PTPRR: variants seen among roughly 807,000 people sequenced by gnomAD.
PTPRR encodes protein tyrosine phosphatase receptor type R, also known as receptor-type tyrosine-protein phosphatase R.
Under a neutral mutation model 77.2 loss-of-function variants are expected in PTPRR, and 38 were observed. The ratio of observed to expected loss-of-function variants is 0.49; its 90% confidence interval spans 0.38 to 0.65. The LOEUF (loss-of-function observed/expected upper bound fraction) is 0.65. Among genes scored for constraint, PTPRR ranks in the 30% least tolerant of loss-of-function variants. The pLI is 0.00. For synonymous variants in PTPRR, 299 were observed against 283.1 expected (o/e 1.06, Z -0.57); for missense variants, 744 against 799.2 (o/e 0.93, Z 0.83).
intron 6 of PTPRR, among the ~76,000 whole-genome samples, chr12:70,721,996 A>C (rs2136850296): frequency 6.6e-6 from 1 of 152,328 alleles, no homozygotes; most frequent in Non-Finnish European, 1.5e-5. Context: ...TTAAGAAATA[A>C]GAACAAACTA....
At chr12:70,777,783 C>T (rs953450007) in intron 2 of PTPRR, among the ~76,000 whole-genome samples, 1 of 152,134 alleles carries the variant, frequency 6.6e-6, no homozygotes, top group Non-Finnish European at 1.5e-5. Flanking sequence ...CATCTGAGCC[C>T]CCAGATCACT....
intron 13 of PTPRR, among the ~76,000 whole-genome samples, chr12:70,655,835 C>T (rs555942230): frequency 2.0e-5 from 3 of 152,242 alleles, no homozygotes; most frequent in South Asian, 4.1e-4. Flanking sequence ...GTACTTAACC[C>T]TAATAAATTG....
intron 5 of PTPRR, among the ~76,000 whole-genome samples, chr12:70,749,050 A>G (rs1018102555): frequency 6.6e-6 from 1 of 152,212 alleles, no homozygotes; most frequent in Admixed American, 6.5e-5. Context: ...TACCAGTTCC[A>G]TCTGGGTAGA....
intron 13 of PTPRR, among the ~76,000 whole-genome samples, chr12:70,643,541 T>G (rs1886086724): frequency 6.6e-6 from 1 of 152,138 alleles, no homozygotes; most frequent in Non-Finnish European, 1.5e-5. Context: ...GTACAGTGTC[T>G]GTATACAAAA....
chr12:70,868,943 C>G (rs1892911215), intron 2 of PTPRR, among the ~76,000 whole-genome samples: 1 of 146,956 alleles, frequency 6.8e-6, no homozygotes. Context: ...GACAAAAAAC[C>G]AAACACCGCA....
chr12:70,698,232 A>G, intron 8 of PTPRR, 33 bp downstream of exon 8: 1 of 1,586,522 alleles, frequency 6.3e-7, no homozygotes, highest in Non-Finnish European at 8.7e-7. Flanking sequence ...CTTGCCCCCC[A>G]TACAATGCAA....
At chr12:70,672,165 C>G in intron 10 of PTPRR, 4 of 1,511,944 alleles carry the variant, frequency 2.6e-6, no homozygotes, top group Non-Finnish European at 2.7e-6. Flanking sequence ...GCAAGAAGAG[C>G]CTTGGGTGCC....
intron 6 of PTPRR, among the ~76,000 whole-genome samples, chr12:70,742,253 A>G (rs1890071736): frequency 6.6e-6 from 1 of 152,218 alleles, no homozygotes; most frequent in Non-Finnish European, 1.5e-5. Context: ...AAAAGGGCTG[A>G]GATTGAGTTT....
chr12:70,745,362 G>A (rs1890179630), intron 6 of PTPRR, among the ~76,000 whole-genome samples: 1 of 152,122 alleles, frequency 6.6e-6, no homozygotes, highest in South Asian at 2.1e-4. Context: ...TGTTTGTTGT[G>A]GTTAAAAAAT....
chr12:70,759,576 A>T (rs1592738199), intron 4 of PTPRR, among the ~76,000 whole-genome samples: 1 of 149,746 alleles, frequency 6.7e-6, no homozygotes, highest in Non-Finnish European at 1.5e-5. Flanking sequence ...AGCTACTCAG[A>T]AGGTTGAGGC....
At chr12:70,681,742 C>T (rs1031327400) in intron 10 of PTPRR, among the ~76,000 whole-genome samples, 1 of 152,170 alleles carries the variant, frequency 6.6e-6, no homozygotes, top group Non-Finnish European at 1.5e-5. Flanking sequence ...AGTCGGCTCT[C>T]TTGCTTTGCC....
At chr12:70,876,008 T>A (rs11178461) in intron 2 of PTPRR, among the ~76,000 whole-genome samples, 27,185 of 151,956 alleles carry the variant, frequency 0.18, 3,056 homozygotes, top group East Asian at 0.4. Flanking sequence ...AGAACAACAA[T>A]GAACTACTCC....
chr12:70,910,310 T>C (rs183611705), intron 1 of PTPRR, among the ~76,000 whole-genome samples: 1 of 152,240 alleles, frequency 6.6e-6, no homozygotes, highest in African/African-American at 2.4e-5. Flanking sequence ...AGAGCCCAAA[T>C]GTTTTTTTGT....
At chr12:70,734,090 G>A (rs1463973102) in intron 6 of PTPRR, among the ~76,000 whole-genome samples, 3 of 152,150 alleles carry the variant, frequency 2.0e-5, no homozygotes, top group Non-Finnish European at 4.4e-5. Context: ...AGGAAGCAAA[G>A]CTTATGCTGG....
intron 13 of PTPRR, among the ~76,000 whole-genome samples, chr12:70,640,602 CAACTG>C (rs913701562): frequency 3.9e-5 from 6 of 152,218 alleles, no homozygotes; most frequent in Non-Finnish European, 7.3e-5. Flanking sequence ...TGCAATCATG[CAACTG>C]ATCTTATCTT....
chr12:70,693,208 A>G (rs535343887), intron 8 of PTPRR, among the ~76,000 whole-genome samples: 28 of 152,342 alleles, frequency 1.8e-4, no homozygotes, highest in African/African-American at 6.5e-4. Flanking sequence ...GCTTAGAAAC[A>G]GTTTCCCTGT....
intron 13 of PTPRR, among the ~76,000 whole-genome samples, chr12:70,648,645 A>G (rs1355758939): frequency 6.6e-6 from 1 of 152,216 alleles, no homozygotes; most frequent in Non-Finnish European, 1.5e-5. Flanking sequence ...AAATGGTCAC[A>G]CAGAAAATTA....
At position 70,745,573 on chromosome 12, in the gene PTPRR, A is replaced by T. The variant is rs1460244077; in HGVS notation, c.1007+245T>A. 3.3e-5 allele frequency among the ~76,000 whole-genome samples: 5 copies of T among 152,260 alleles called. No homozygotes were observed. In the East Asian group the frequency reaches 9.7e-4, roughly 29 times the overall value. On this transcript the variant is annotated intron_variant, in intron 6 of 13. Coordinates refer to ENST00000283228, the MANE Select transcript of PTPRR (RefSeq NM_002849.4). ...GAAATTGTCTTGTAGTTGAAGATGAACTTTGCTTGGATCTATACCATCTTG... is the reference window on the plus strand; with the variant it reads ...GAAATTGTCTTGTAGTTGAAGATGATCTTTGCTTGGATCTATACCATCTTG...
At chr12:70,820,394 C>A (rs189080671) in intron 2 of PTPRR, among the ~76,000 whole-genome samples, 1 of 152,098 alleles carries the variant, frequency 6.6e-6, no homozygotes, top group Non-Finnish European at 1.5e-5. Context: ...AGTGCAGTGG[C>A]GCGATCTCGG....
Sources: allele counts gnomAD v4.1 joint callset (sites outside exome capture counted in the v4.1 genomes callset), GRCh38; gene constraint gnomAD v4.1.1; transcripts MANE v1.5; gene names NCBI Gene and HGNC (gene_info 2026-07-23, HGNC 2026-07-21).